GLG1: variants seen among roughly 807,000 people sequenced by gnomAD.
The protein encoded by GLG1 is golgi glycoprotein 1.
Under a neutral mutation model 160.5 loss-of-function variants are expected in GLG1, and 38 were observed. That is an observed-to-expected ratio of 0.24 (90% confidence interval 0.18 to 0.31). The LOEUF is 0.31. GLG1 is among the 10% of genes least tolerant of loss of function. GLG1 has a pLI of 1.00. For synonymous variants in GLG1, 644 were observed against 543.4 expected, an observed-to-expected ratio of 1.19 and a Z score of -2.57; for missense variants, 1,373 against 1,505.2, an observed-to-expected ratio of 0.91 and a Z score of 1.45.
At chr16:74,536,692 T>G (rs1180681233) in intron 1 of GLG1, among the ~76,000 whole-genome samples, 1 of 152,170 alleles carries the variant, frequency 6.6e-6, no homozygotes, top group Non-Finnish European at 1.5e-5. Context: ...TATCCTTTAA[T>G]TTATGTTTTA....
At chr16:74,528,810 T>TAAAAA (rs2017427943) in intron 2 of GLG1, among the ~76,000 whole-genome samples, 1 of 9,894 alleles carries the variant, frequency 1.0e-4, no homozygotes, top group Non-Finnish European at 2.3e-4. Context: ...AGATTCTGTC[T>TAAAAA]CAAAAAAAAA....
At chr16:74,558,743 A>G (rs1214579532) in intron 1 of GLG1, among the ~76,000 whole-genome samples, 2 of 152,236 alleles carry the variant, frequency 1.3e-5, no homozygotes, top group Non-Finnish European at 2.9e-5. Flanking sequence ...TACGAGTTTC[A>G]TGGTGGATTA....
intron 1 of GLG1, among the ~76,000 whole-genome samples, chr16:74,603,848 A>T (rs1017036075): frequency 6.6e-5 from 10 of 152,092 alleles, no homozygotes; most frequent in African/African-American, 2.4e-4. Flanking sequence ...TTTTATTTAA[A>T]TAACTTGAAC....
chr16:74,547,089 T>A (rs2018069724), intron 1 of GLG1, among the ~76,000 whole-genome samples: 2 of 152,058 alleles, frequency 1.3e-5, no homozygotes, highest in South Asian at 2.1e-4. Flanking sequence ...AAGACAGTCT[T>A]TTATTATATC....
rs61572426 is a variant in GLG1 at position 74,540,055 on chromosome 16, ATT to A, written c.439-7904_439-7903del. The stretch of plus-strand genomic sequence containing the variant: ...TATATTTTATATATATATTATATAT[ATT>A]TTATATATATATATTATATATATTT... On this transcript the variant is annotated intron_variant, in intron 1 of 25. Coordinates refer to ENST00000422840, the MANE Select transcript of GLG1 (RefSeq NM_001145667.2). Among the ~76,000 whole-genome samples the A allele has an allele frequency of 3.1e-3, 7 of 2,288 alleles. 3 individuals carry two copies. The highest frequency in any genetic ancestry group is 6.5e-3 in the Non-Finnish European group (7 of 1,078). 1.5% of individuals were successfully genotyped at this position (2,288 alleles called of 152,430 possible).
intron 16 of GLG1, chr16:74,469,363 G>T (rs2015116012): frequency 2.5e-6 from 1 of 393,510 alleles, no homozygotes; most frequent in East Asian, 4.4e-5. Context: ...GACCACAGAG[G>T]AATGCTGCTC....
chr16:74,457,019 T>C (rs1002380163), intron 24 of GLG1, among the ~76,000 whole-genome samples: 2 of 152,198 alleles, frequency 1.3e-5, no homozygotes, highest in Non-Finnish European at 2.9e-5. Context: ...TAATCCCAGA[T>C]ACTTGGGAAG....
chr16:74,522,268 T>A (rs2017188726), intron 2 of GLG1, among the ~76,000 whole-genome samples: 1 of 152,248 alleles, frequency 6.6e-6, no homozygotes, highest in African/African-American at 2.4e-5. Flanking sequence ...TTTACAAGTA[T>A]TTGTGTAGGG....
intron 18 of GLG1, among the ~76,000 whole-genome samples, chr16:74,466,213 A>C (rs2014995457): frequency 6.6e-6 from 1 of 152,228 alleles, no homozygotes; most frequent in Non-Finnish European, 1.5e-5. Context: ...TTACCACCTG[A>C]GAAAGACTAC....
chr16:74,517,444 A>G (rs1487058035), intron 2 of GLG1, among the ~76,000 whole-genome samples: 2 of 152,224 alleles, frequency 1.3e-5, no homozygotes, highest in African/African-American at 4.8e-5. Context: ...ATCAGTAATA[A>G]AAACCACATG....
chr16:74,549,179 GTTTAAT>G (rs2018130891), intron 1 of GLG1, among the ~76,000 whole-genome samples: 1 of 151,940 alleles, frequency 6.6e-6, no homozygotes, highest in Non-Finnish European at 1.5e-5. Flanking sequence ...TTCCTTTTGA[GTTTAAT>G]TTTATGAGTC....
At position 74,460,676 on chromosome 16, in the gene GLG1, C is replaced by T. The variant is rs146021378; in HGVS notation, c.3037-887G>A. 1.6e-3 allele frequency among the ~76,000 whole-genome samples: 249 copies of T among 152,256 alleles called. 2 individuals carry two copies. Among genetic ancestry groups the T allele is most frequent in the South Asian group, 4.6e-3 (22 of 4,828 alleles). On this transcript the variant is annotated intron_variant, in intron 22 of 25. Transcript: ENST00000422840. Reference sequence around the variant, plus strand: ...AAACAGTTTCCTGGGGGTTTCGTGCCCCTCCTCCTATATTGGATGCCAGGC... The same window carrying T: ...AAACAGTTTCCTGGGGGTTTCGTGCTCCTCCTCCTATATTGGATGCCAGGC...
chr16:74,597,965 G>C (rs956811782), intron 1 of GLG1, among the ~76,000 whole-genome samples: 10 of 151,940 alleles, frequency 6.6e-5, no homozygotes, highest in African/African-American at 2.2e-4. Flanking sequence ...ACAGTGAGCT[G>C]AGATCACACC....
intron 1 of GLG1, chr16:74,563,093 A>G (rs1232703781): frequency 6.6e-6 from 1 of 152,254 alleles, no homozygotes; most frequent in Non-Finnish European, 1.5e-5. Context: ...CTCTGTCATC[A>G]TGAGACTCTT....
intron 22 of GLG1, among the ~76,000 whole-genome samples, chr16:74,461,334 A>C (rs558982872): frequency 1.5e-4 from 23 of 149,988 alleles, no homozygotes; most frequent in African/African-American, 5.6e-4. Flanking sequence ...GGCCGGGCTA[A>C]TGTTTTTTTT....
chr16:74,546,815 G>A (rs1410862419), intron 1 of GLG1, among the ~76,000 whole-genome samples: 2 of 114,672 alleles, frequency 1.7e-5, no homozygotes, highest in African/African-American at 6.6e-5. Flanking sequence ...TCCATCCTGG[G>A]CGACAGAGTG....
chr16:74,494,258 A>G (rs908926478), intron 6 of GLG1, among the ~76,000 whole-genome samples: 1 of 152,016 alleles, frequency 6.6e-6, no homozygotes, highest in Non-Finnish European at 1.5e-5. Context: ...CTATCTAGAT[A>G]TCACAATCAG....
chr16:74,577,979 C>T (rs563672231), intron 1 of GLG1, among the ~76,000 whole-genome samples: 87 of 152,076 alleles, frequency 5.7e-4, no homozygotes, highest in Non-Finnish European at 9.6e-4. Flanking sequence ...TCAAGACCAG[C>T]CTGGACAGTA....
chr16:74,488,262 C>T (rs1362607210), intron 8 of GLG1, among the ~76,000 whole-genome samples: 1 of 151,996 alleles, frequency 6.6e-6, no homozygotes, highest in African/African-American at 2.4e-5. Context: ...AAAAAAGGGG[C>T]CAGGAACAGT....
Sources: gnomAD v4.1 joint callset for allele counts (sites outside exome capture counted in the v4.1 genomes callset) on GRCh38, gnomAD v4.1.1 for gene constraint, MANE v1.5 for transcripts, NCBI Gene and HGNC (gene_info 2026-07-23, HGNC 2026-07-21) for gene names.